The following TMEM132D variants were observed in gnomAD, a reference collection of about 807,000 sequenced individuals.
The protein encoded by TMEM132D is transmembrane protein 132D.
A neutral mutation model predicts 62.3 loss-of-function variants in TMEM132D; 21 were observed. That is an observed-to-expected ratio of 0.34 (90% CI 0.24 to 0.49). The LOEUF (loss-of-function observed/expected upper bound fraction) is 0.49. Ranked by LOEUF, TMEM132D falls within the 20% of genes least tolerant of loss-of-function variation. TMEM132D has a pLI of 0.99. For synonymous variants in TMEM132D, 621 were observed against 575.6 expected (o/e 1.08, Z -1.13); for missense variants, 1,346 against 1,402.8 (o/e 0.96, Z 0.65).
At chr12:129,089,349 A>C (rs1251922342) in intron 5 of TMEM132D, among the ~76,000 whole-genome samples, 29 of 33,000 alleles carry the variant, frequency 8.8e-4, no homozygotes, top group African/African-American at 3.8e-3. Flanking sequence ...GATGTCCTCC[A>C]TGACCGGGGT....
chr12:129,374,246 C>T (rs1593355871), intron 3 of TMEM132D, among the ~76,000 whole-genome samples: 1 of 147,290 alleles, frequency 6.8e-6, no homozygotes, highest in African/African-American at 2.6e-5. Context: ...AAGGCAGTGC[C>T]TTCTCACTGT....
intron 4 of TMEM132D, among the ~76,000 whole-genome samples, chr12:129,259,301 G>A (rs951792648): frequency 2.0e-5 from 3 of 152,184 alleles, no homozygotes; most frequent in African/African-American, 7.2e-5. Context: ...CAGCATCCTT[G>A]CCTGGGTGAC....
intron 2 of TMEM132D, among the ~76,000 whole-genome samples, chr12:129,578,874 T>G (rs1877761586): frequency 6.6e-6 from 1 of 152,100 alleles, no homozygotes; most frequent in Non-Finnish European, 1.5e-5. Flanking sequence ...TGACAGGAGA[T>G]CTCTACTCAG....
intron 3 of TMEM132D, among the ~76,000 whole-genome samples, chr12:129,409,778 C>T (rs1252846234): frequency 6.6e-6 from 1 of 152,202 alleles, no homozygotes; most frequent in Non-Finnish European, 1.5e-5. Flanking sequence ...TACCGAGCTT[C>T]CCCATTGCCT....
chr12:129,416,033 G>A (rs1398870450), intron 3 of TMEM132D, among the ~76,000 whole-genome samples: 3 of 152,174 alleles, frequency 2.0e-5, no homozygotes, highest in Non-Finnish European at 2.9e-5. Context: ...CTGAGAATGA[G>A]GCCTTATTTG....
At position 129,797,615 on chromosome 12, in the gene TMEM132D, G is replaced by A. The variant is rs947150302; in HGVS notation, c.80-96917C>T. Among the ~76,000 whole-genome samples, 5 of 152,136 alleles carry A rather than the reference G, an allele frequency of 3.3e-5. No homozygotes were observed. The South Asian group carries it at 6.2e-4, about 19-fold the overall frequency. On this transcript the variant is annotated intron_variant, in intron 1 of 8. Coordinates refer to ENST00000422113, the MANE Select transcript of TMEM132D (RefSeq NM_133448.3). ...TTACATGAGAGACCCTGTGTGTGTC[G>A]TTACACATGGTTCTGAGTTATGGAA...
intron 1 of TMEM132D, among the ~76,000 whole-genome samples, chr12:129,764,925 A>T (rs1342418615): frequency 6.6e-6 from 1 of 152,012 alleles, no homozygotes; most frequent in Non-Finnish European, 1.5e-5. Context: ...TGGGGGCCAC[A>T]GCAAGACCCT....
intron 1 of TMEM132D, among the ~76,000 whole-genome samples, chr12:129,754,031 C>T (rs1242043872): frequency 6.6e-6 from 1 of 152,132 alleles, no homozygotes; most frequent in Non-Finnish European, 1.5e-5. Context: ...CACCAAGGTC[C>T]ATCCAGCCCT....
intron 5 of TMEM132D, among the ~76,000 whole-genome samples, chr12:129,196,982 C>G (rs973134610): frequency 1.3e-5 from 2 of 152,064 alleles, no homozygotes; most frequent in Non-Finnish European, 2.9e-5. Context: ...AGTCACCACC[C>G]GTGAAGAAAA....
At position 129,084,716 on chromosome 12, in the gene TMEM132D, A is replaced by G. The variant is rs1416721681; in HGVS notation, c.1444-14T>C. 1.9e-6 allele frequency: 3 copies of G among 1,612,530 alleles called. No homozygotes were observed. On this transcript the variant is annotated splice_polypyrimidine_tract_variant and intron_variant, in intron 5 of 8. Coordinates refer to ENST00000422113, the MANE Select transcript of TMEM132D (RefSeq NM_133448.3). Reference sequence around the variant, plus strand: ...TCTGTCAGAAACCTGTGAAGAGGTGAGAGAGAAAAGGGGAGGGAAAGGTGA... The same window carrying G: ...TCTGTCAGAAACCTGTGAAGAGGTGGGAGAGAAAAGGGGAGGGAAAGGTGA...
Position 129,337,445 on chromosome 12 carries a change from A to G in TMEM132D, c.1299+189T>C, listed in dbSNP as rs996698281. On this transcript the variant is annotated intron_variant, in intron 4 of 8. Coordinates refer to ENST00000422113, the MANE Select transcript of TMEM132D (RefSeq NM_133448.3). Reference sequence around the variant, plus strand: ...TATAGATATAGATACACACACGCACACACACACACACACACACACACACAC... The same window carrying G: ...TATAGATATAGATACACACACGCACGCACACACACACACACACACACACAC... 5.0e-4 allele frequency among the ~76,000 whole-genome samples: 70 copies of G among 139,210 alleles called. 1 individual carries two copies. The highest frequency in any genetic ancestry group is 1.8e-3 in the African/African-American group (60 of 32,950). 91.3% of individuals were successfully genotyped at this position (139,210 alleles called of 152,430 possible).
At chr12:129,501,802 C>T (rs773867062) in intron 3 of TMEM132D, among the ~76,000 whole-genome samples, 8 of 151,830 alleles carry the variant, frequency 5.3e-5, no homozygotes, top group East Asian at 1.9e-4. Flanking sequence ...CACCATGCCC[C>T]GCCAGCAGCA....
intron 2 of TMEM132D, among the ~76,000 whole-genome samples, chr12:129,537,031 C>T (rs1245113527): frequency 2.0e-5 from 3 of 151,748 alleles, no homozygotes; most frequent in Non-Finnish European, 4.4e-5. Context: ...TGGTGTATGC[C>T]TGTAATCCCA....
intron 2 of TMEM132D, chr12:129,698,365 G>A (rs1881256502): frequency 6.6e-6 from 1 of 151,420 alleles, no homozygotes; most frequent in Admixed American, 6.6e-5. Context: ...GCCAAGTTCA[G>A]TCATTAGATG....
At chr12:129,519,609 G>GT (rs1466402026) in intron 3 of TMEM132D, among the ~76,000 whole-genome samples, 3 of 57,058 alleles carry the variant, frequency 5.3e-5, no homozygotes, top group Admixed American at 2.8e-4. Context: ...AGATAAGAAT[G>GT]CTTTTTTTTT....
chr12:129,438,505 G>T (rs1593008863), intron 3 of TMEM132D, among the ~76,000 whole-genome samples: 1 of 152,268 alleles, frequency 6.6e-6, no homozygotes, highest in South Asian at 2.1e-4. Context: ...TTGATGAAAA[G>T]AAACCAGGCA....
chr12:129,671,989 C>T (rs1384712742), intron 2 of TMEM132D, among the ~76,000 whole-genome samples: 1 of 152,192 alleles, frequency 6.6e-6, no homozygotes, highest in African/African-American at 2.4e-5. Flanking sequence ...CCGCTGCAGA[C>T]CCCAGGCTGC....
chr12:129,562,025 T>C (rs536514909), intron 2 of TMEM132D, among the ~76,000 whole-genome samples: 2 of 152,350 alleles, frequency 1.3e-5, no homozygotes, highest in South Asian at 4.1e-4. Flanking sequence ...TTAATGACTG[T>C]TGTATTTTCT....
At chr12:129,514,601 G>A (rs1875618461) in intron 3 of TMEM132D, among the ~76,000 whole-genome samples, 1 of 152,158 alleles carries the variant, frequency 6.6e-6, no homozygotes, top group South Asian at 2.1e-4. Context: ...TGAACATGCA[G>A]GACTGTTCAT....
Sources: allele counts gnomAD v4.1 joint callset (sites outside exome capture counted in the v4.1 genomes callset), GRCh38; gene constraint gnomAD v4.1.1; transcripts MANE v1.5; gene names NCBI Gene and HGNC (gene_info 2026-07-23, HGNC 2026-07-21).